The following C11orf65 variants were observed in gnomAD, a reference collection of about 807,000 sequenced individuals.
C11orf65 encodes protein MFI.
A neutral mutation model predicts 35.3 loss-of-function variants in C11orf65; 38 were observed. That is an observed-to-expected ratio of 1.08 (90% CI 0.83 to 1.41). The LOEUF (loss-of-function observed/expected upper bound fraction) is 1.41, where lower values mean the gene tolerates loss of function less well. Ranked by LOEUF, C11orf65 falls within the 40% of genes most tolerant of loss-of-function variation. The pLI, the probability that C11orf65 is intolerant of heterozygous loss-of-function variation, is 0.00. For missense variants in C11orf65, 370 were observed against 367.1 expected (o/e 1.01, Z -0.06); for synonymous variants, 105 against 114.4 (o/e 0.92, Z 0.53).
intron 2 of C11orf65, among the ~76,000 whole-genome samples, chr11:108,356,845 T>C (rs937980450): frequency 6.6e-6 from 1 of 152,198 alleles, no homozygotes; most frequent in Non-Finnish European, 1.5e-5. Context: ...GTAAGGACTT[T>C]GGATTTCCTT....
At chr11:108,469,302 G>A (rs1329134408), upstream of C11orf65, among the ~76,000 whole-genome samples, 1 of 151,026 alleles carries the variant, frequency 6.6e-6, no homozygotes, top group Non-Finnish European at 1.5e-5. Flanking sequence ...TAGTTAGAAG[G>A]ATAAATTTAT....
At chr11:108,343,082 G>C (rs1328008636) in intron 2 of C11orf65, 1 of 1,071,318 alleles carries the variant, frequency 9.3e-7, no homozygotes, top group African/African-American at 1.6e-5. Context: ...TTTCCTCCAA[G>C]GAGCTTTGTC....
intron 2 of C11orf65, chr11:108,366,479 C>T (rs182586193): frequency 2.2e-4 from 49 of 224,058 alleles, no homozygotes; most frequent in African/African-American, 1.0e-3. Flanking sequence ...AAATTTAGTT[C>T]CTGCTGTTTA....
chr11:108,317,674 CTATATA>C (rs1241876600), intron 6 of C11orf65, among the ~76,000 whole-genome samples: 1 of 129,306 alleles, frequency 7.7e-6, no homozygotes, highest in Non-Finnish European at 1.6e-5. Flanking sequence ...CACACACACA[CTATATA>C]TATATACATA....
rs1591553502 is a variant in C11orf65 at position 108,437,769 on chromosome 11, A to T, written c.82-5931T>A. 2.7e-5 allele frequency among the ~76,000 whole-genome samples: 4 copies of T among 150,040 alleles called. 1 individual carries two copies. In the South Asian group the frequency reaches 8.5e-4, roughly 32 times the overall value. On this transcript the variant is annotated intron_variant, in intron 2 of 8. Coordinates refer to ENST00000393084, the MANE Select transcript of C11orf65 (RefSeq NM_152587.5). ...AGGAAATTAAACGGAAAAACACCCC[A>T]CATTCACAGATTGGAAGCCTTAGTA... is the stretch of plus-strand genomic sequence containing the variant.
At chr11:108,308,962 A>AT in exon 7 of C11orf65, 1 of 1,494,408 alleles carries the variant, frequency 6.7e-7, no homozygotes, top group South Asian at 1.2e-5. Context: ...TGAGTCATTC[A>AT]TTTCAGACTT....
intron 2 of C11orf65, among the ~76,000 whole-genome samples, chr11:108,357,682 C>T (rs1464165625): frequency 6.6e-6 from 1 of 152,184 alleles, no homozygotes; most frequent in Non-Finnish European, 1.5e-5. Flanking sequence ...CCAGCAGGGG[C>T]ACACTGACAC....
chr11:108,408,678 T>TAAAATAAAATAAAATAAAATAAAATAAA (rs1565659679), intron 3 of C11orf65, among the ~76,000 whole-genome samples: 3 of 49,068 alleles, frequency 6.1e-5, no homozygotes, highest in African/African-American at 9.0e-5. Context: ...TCTCAATAAA[T>TAAAATAAAATAAAATAAAATAAAATAAA]AAAATAAAAT....
At chr11:108,375,169 C>T (rs1224326641) in intron 2 of C11orf65, among the ~76,000 whole-genome samples, 1 of 151,696 alleles carries the variant, frequency 6.6e-6, no homozygotes, top group African/African-American at 2.4e-5. Context: ...AAGAGCAACT[C>T]CAAGACACAT....
chr11:108,324,222 A>C (rs1745161175), intron 6 of C11orf65, among the ~76,000 whole-genome samples: 2 of 152,140 alleles, frequency 1.3e-5, no homozygotes, highest in African/African-American at 4.8e-5. Context: ...TAATAAAAGC[A>C]CAATCTAGAG....
chr11:108,324,209 G>A (rs982259845), intron 6 of C11orf65, among the ~76,000 whole-genome samples: 6 of 152,052 alleles, frequency 3.9e-5, no homozygotes, highest in Admixed American at 1.3e-4. Flanking sequence ...TTTTGGAAAT[G>A]TTTAATAAAA....
chr11:108,429,715 A>G (rs537184079), intron 3 of C11orf65, among the ~76,000 whole-genome samples: 1 of 152,242 alleles, frequency 6.6e-6, no homozygotes, highest in South Asian at 2.1e-4. Flanking sequence ...CATTATTCAT[A>G]ATAGCTAAAA....
intron 2 of C11orf65, among the ~76,000 whole-genome samples, chr11:108,444,717 T>C (rs901775332): frequency 4.6e-5 from 7 of 152,086 alleles, no homozygotes; most frequent in South Asian, 2.1e-4. Flanking sequence ...CCATCTGAGG[T>C]ACCAGGTTCA....
At chr11:108,390,018 T>A (rs994525183) in intron 7 of C11orf65, among the ~76,000 whole-genome samples, 8 of 148,472 alleles carry the variant, frequency 5.4e-5, no homozygotes, top group Admixed American at 1.4e-4. Context: ...TTATTTTATT[T>A]TTTATTTATT....
chr11:108,419,173 A>G (rs977188372), intron 3 of C11orf65, among the ~76,000 whole-genome samples: 1 of 152,182 alleles, frequency 6.6e-6, no homozygotes, highest in African/African-American at 2.4e-5. Flanking sequence ...TCTGACAGAG[A>G]CAGTAAATTA....
In C11orf65 at chr11:108,453,919, G is replaced by A. The variant is rs1591602088; in HGVS notation, c.81+7560C>T. Among the ~76,000 whole-genome samples, 3 of 152,284 alleles carry A rather than the reference G, an allele frequency of 2.0e-5. No homozygotes were observed. The South Asian group carries it at 6.2e-4, about 32-fold the overall frequency. ...CAACTCATGTTGGCTTTGTAAATGA[G>A]GTTAGAAGTATGCTCTCCTCTTTAA... On this transcript the variant is annotated intron_variant, in intron 2 of 8. Coordinates refer to ENST00000393084, the MANE Select transcript of C11orf65 (RefSeq NM_152587.5).
downstream of C11orf65, among the ~76,000 whole-genome samples, chr11:108,330,008 C>T (rs983327897): frequency 1.3e-5 from 2 of 152,134 alleles, no homozygotes; most frequent in African/African-American, 4.8e-5. Context: ...GGGAGAGTCC[C>T]CTTTGTCCTT....
At chr11:108,442,109 AAC>A (rs1346728272) in intron 2 of C11orf65, among the ~76,000 whole-genome samples, 1 of 152,192 alleles carries the variant, frequency 6.6e-6, no homozygotes, top group African/African-American at 2.4e-5. Context: ...AACTAGAAGA[AAC>A]AGTGTAGAGA....
chr11:108,370,113 C>G (rs536546441), intron 2 of C11orf65, among the ~76,000 whole-genome samples: 2 of 152,056 alleles, frequency 1.3e-5, no homozygotes, highest in Non-Finnish European at 2.9e-5. Flanking sequence ...TTCCTAATGT[C>G]ACTCAGTTAA....
Sources: gnomAD v4.1 joint callset for allele counts (sites outside exome capture counted in the v4.1 genomes callset) on GRCh38, gnomAD v4.1.1 for gene constraint, MANE v1.5 for transcripts, NCBI Gene and HGNC (gene_info 2026-07-23, HGNC 2026-07-21) for gene names.